Variants in DLL4 observed in about 807,000 individuals in gnomAD.
The protein encoded by DLL4 is delta like canonical Notch ligand 4, also known as delta-like protein 4.
Under a neutral mutation model 73.6 loss-of-function variants are expected in DLL4, and 7 were observed. The ratio of observed to expected loss-of-function variants is 0.10; its 90% CI spans 0.05 to 0.18. The LOEUF is 0.18. Ranked by LOEUF, DLL4 falls within the 10% of genes least tolerant of loss-of-function variation. The probability of loss-of-function intolerance (pLI) is 1.00; values close to 1 mark genes in which losing one functional copy is unlikely to be tolerated. For synonymous variants in DLL4, 345 were observed against 374.3 expected, an observed-to-expected ratio of 0.92 and a Z score of 0.90; for missense variants, 614 against 929.9, an observed-to-expected ratio of 0.66 and a Z score of 4.42.
Position 40,934,688 on chromosome 15 carries a change from A to C in DLL4, c.991A>C (p.Asn331His). Reference protein sequence around the residue: ...CELELSECDSNPCRNGGSCKD... With the variant: ...CELELSECDSHPCRNGGSCKD... ...GCTGGAGCTCAGCGAGTGTGACAGC[A>C]ACCCCTGTCGCAATGGAGGCAGCTG... Residue 331 changes from asparagine to histidine, a missense_variant, in exon 7 of 11, where the codon AAC (asparagine) becomes CAC (histidine). By Grantham distance (68) the Asn-to-His change is moderately conservative. Transcript: ENST00000249749. The C allele has an allele frequency of 6.2e-7, 1 of 1,613,854 alleles. No homozygotes were observed. The highest frequency in any genetic ancestry group is 8.5e-7 in the Non-Finnish European group (1 of 1,179,844).
rs187892030 is a variant in DLL4 at position 40,932,994 on chromosome 15, C to T, written c.850+547C>T. 2.9e-3 allele frequency among the ~76,000 whole-genome samples: 438 copies of T among 152,326 alleles called. 4 individuals carry two copies. The highest frequency in any genetic ancestry group is 0.016 in the South Asian group (75 of 4,830). On this transcript the variant is annotated intron_variant, in intron 6 of 10. Transcript: ENST00000249749. ...TAGTTACCACCTGCCTGAACCCATG[C>T]GGTCTCTACCTGGTGTTTAGGGGTA...
At chr15:40,935,555 T>C (rs1892830659) in intron 8 of DLL4, among the ~76,000 whole-genome samples, 1 of 152,320 alleles carries the variant, frequency 6.6e-6, no homozygotes, top group South Asian at 2.1e-4. Flanking sequence ...TGTTTGCACC[T>C]TTTGAGGCAC....
intron 10 of DLL4, 49 bp from the exon 11 acceptor site, chr15:40,937,980 G>A: frequency 6.3e-7 from 1 of 1,597,222 alleles, no homozygotes; most frequent in Non-Finnish European, 8.5e-7. Flanking sequence ...CCTGGAGGGA[G>A]TGCGCATGCC....
chr15:40,932,129 C>T (rs375413330), intron 4 of DLL4, 42 bp from the exon 5 acceptor site: 7 of 1,611,558 alleles, frequency 4.3e-6, no homozygotes, highest in Non-Finnish European at 5.1e-6. Flanking sequence ...CTTAAGAGTC[C>T]TTGGTATCCC....
chr15:40,931,410 CCAT>C lies in DLL4; in HGVS notation c.395-87_395-85del, dbSNP rs1892767875. On this transcript the variant is annotated intron_variant, in intron 3 of 10. Coordinates refer to ENST00000249749, the MANE Select transcript of DLL4 (RefSeq NM_019074.4). Reference sequence around the variant, plus strand: ...ACTGGGCTGATTGGTTGGCTGATCACCATCATCACAGCCAAGAAGGACATTGGC... The same window carrying C: ...ACTGGGCTGATTGGTTGGCTGATCACCATCACAGCCAAGAAGGACATTGGC... 4 of 1,414,406 alleles carry C rather than the reference CCAT, an allele frequency of 2.8e-6. No individual in the cohort carries two copies. The East Asian group carries it at 9.9e-5, about 35-fold the overall frequency. The allele number at this position is 1,414,406 out of a possible 1,614,324, so 87.6% of individuals were successfully genotyped here.
rs1892750758 is a variant in DLL4, at chr15:40,930,484, G to C, written c.337-141G>C. On this transcript the variant is annotated intron_variant, in intron 2 of 10. Coordinates refer to ENST00000249749, the MANE Select transcript of DLL4 (RefSeq NM_019074.4). This position sits in a 1 kb window ranked among gnomAD's most constrained non-coding sequence, Gnocchi z 5.7. ...GCCTTCCCTGCTCAAGCGCTACACTGTGCACAGCCCCGTTATGTTGACCCG... is the reference window on the plus strand; with the variant it reads ...GCCTTCCCTGCTCAAGCGCTACACTCTGCACAGCCCCGTTATGTTGACCCG... 2 of 754,324 alleles carry C rather than the reference G, an allele frequency of 2.7e-6. No individual in the cohort carries two copies. Among genetic ancestry groups the C allele is most frequent in the East Asian group, 5.3e-5 (2 of 37,406 alleles). 46.7% of individuals were successfully genotyped at this position (754,324 alleles called of 1,614,324 possible).
chr15:40,932,574 A>G (rs1030938046), intron 6 of DLL4, 127 bp downstream of exon 6: 8 of 1,280,302 alleles, frequency 6.2e-6, no homozygotes, highest in Non-Finnish European at 8.7e-6. Flanking sequence ...TGATCTTCCA[A>G]GGATCTTGGG....
rs370744960 is a variant in DLL4, at chr15:40,929,848, G to A, written c.68G>A (p.Arg23His). The A allele has an allele frequency of 8.8e-5, 141 of 1,610,786 alleles. 1 individual carries two copies. The Admixed American group carries it at 1.3e-3, about 14-fold the overall frequency. The change falls in exon 2 of 11, where the codon CGC becomes CAC. Residue 23 changes from arginine to histidine, a missense_variant and splice_region_variant. This residue lies in a region of DLL4 where 227 missense variants were observed against 370.8 expected (regional missense o/e 0.61). Coordinates refer to ENST00000249749, the MANE Select transcript of DLL4 (RefSeq NM_019074.4). The surrounding 1 kb of genome is among the most constrained non-coding windows in gnomAD (Gnocchi z 7.1). ...LLLLVALWQQ[R>H]AAGSGVFQLQ... is the part of the protein sequence containing the mutation. ...CTTCCCTCGGTCCCTGTGCAATAGCGCGCGGCCGGCTCCGGCGTCTTCCAG... is the reference window on the plus strand; with the variant it reads ...CTTCCCTCGGTCCCTGTGCAATAGCACGCGGCCGGCTCCGGCGTCTTCCAG...
Position 40,938,321 on chromosome 15 carries a change from G to T in DLL4, c.*287G>T. Reference sequence around the variant, plus strand: ...GCCCTGCCAGTAGTGGCCTTCAGGGGGCTCCTTCCGGGGCTCCGGCCTGTT... The same window carrying T: ...GCCCTGCCAGTAGTGGCCTTCAGGGTGCTCCTTCCGGGGCTCCGGCCTGTT... On this transcript the variant is annotated 3_prime_UTR_variant, in exon 11 of 11. Coordinates refer to ENST00000249749, the MANE Select transcript of DLL4 (RefSeq NM_019074.4). The T allele has an allele frequency of 3.0e-6, 1 of 334,886 alleles. No homozygotes were observed. Among genetic ancestry groups the T allele is most frequent in the Non-Finnish European group, 5.4e-6 (1 of 185,484 alleles). The allele number at this position is 334,886 out of a possible 1,614,324, so 20.7% of individuals were successfully genotyped here. A position where few individuals can be genotyped will look rare whatever the true frequency, so the allele number is the denominator to read the frequency against.
chr15:40,938,131 C>A lies in DLL4; in HGVS notation c.*97C>A. 2 of 1,326,652 alleles carry A rather than the reference C, an allele frequency of 1.5e-6. No homozygotes were observed. The highest frequency in any genetic ancestry group is 2.0e-6 in the Non-Finnish European group (2 of 998,034). 82.2% of individuals were successfully genotyped at this position (1,326,652 alleles called of 1,614,324 possible). A position where few individuals can be genotyped will look rare whatever the true frequency, so the allele number is the denominator to read the frequency against. ...TCCTGGATGGGACGTTTTTCATATGCAACGTGCTGCTCTCAGGAGGAGGAG... is the reference window on the plus strand; with the variant it reads ...TCCTGGATGGGACGTTTTTCATATGAAACGTGCTGCTCTCAGGAGGAGGAG... On this transcript the variant is annotated 3_prime_UTR_variant, in exon 11 of 11. Coordinates refer to ENST00000249749, the MANE Select transcript of DLL4 (RefSeq NM_019074.4).
chr15:40,936,900 TAGG>T lies in DLL4; in HGVS notation c.1916_1918del (p.Gly639del), dbSNP rs768557999. ...AAGTTTCCCCACAGTGACAAGAGCT[TAGG>T]AGAGAAGGCGCCACTGCGGTTACAC... On this transcript the variant is annotated inframe_deletion, in exon 9 of 11. Coordinates refer to ENST00000249749, the MANE Select transcript of DLL4 (RefSeq NM_019074.4). The T allele has an allele frequency of 5.0e-6, 8 of 1,609,778 alleles. No homozygotes were observed. Among genetic ancestry groups the T allele is most frequent in the Non-Finnish European group, 6.8e-6 (8 of 1,178,418 alleles).
In DLL4 at chr15:40,930,500, T is replaced by G. The variant is rs1265261904; in HGVS notation, c.337-125T>G. The G allele has an allele frequency of 8.6e-6, 7 of 818,496 alleles. No individual in the cohort carries two copies. Among genetic ancestry groups the G allele is most frequent in the Admixed American group, 2.1e-5 (1 of 48,526 alleles). 50.7% of individuals were successfully genotyped at this position (818,496 alleles called of 1,614,324 possible). ...CGCTACACTGTGCACAGCCCCGTTA[T>G]GTTGACCCGGGCGCAGTAACTGAAT... On this transcript the variant is annotated intron_variant, in intron 2 of 10. Coordinates refer to ENST00000249749, the MANE Select transcript of DLL4 (RefSeq NM_019074.4). This position sits in a 1 kb window ranked among gnomAD's most constrained non-coding sequence, Gnocchi z 5.7.
At chr15:40,931,232 C>CTCCAAGACCCTGGGATATCTTAACA in intron 3 of DLL4, 1 of 536,190 alleles carries the variant, frequency 1.9e-6, no homozygotes, top group East Asian at 3.0e-5. Context: ...CCCTATCTGC[C>CTCCAAGACCCTGGGATATCTTAACA]TCCAAGACCC....
At position 40,936,127 on chromosome 15, in the gene DLL4, G is replaced by A. The variant is rs1892840680; in HGVS notation, c.1241-101G>A. On this transcript the variant is annotated intron_variant, in intron 8 of 10. Transcript: ENST00000249749. ...CTCTTTGTAGTGGGCTCTGCAGGTG[G>A]AGGTAGAAGGGCCCGAACGTGTTCC... 1.1e-5 allele frequency: 11 copies of A among 988,292 alleles called. No individual in the cohort carries two copies. The South Asian group carries it at 1.9e-4, about 17-fold the overall frequency. 61.2% of individuals were successfully genotyped at this position (988,292 alleles called of 1,614,324 possible).
rs1892747432 is a variant in DLL4 at position 40,930,303 on chromosome 15, C to T, written c.336+187C>T. 3 of 769,808 alleles carry T rather than the reference C, an allele frequency of 3.9e-6. No individual in the cohort carries two copies. The highest frequency in any genetic ancestry group is 6.1e-6 in the Non-Finnish European group (3 of 489,056). The allele number at this position is 769,808 out of a possible 1,614,324, so 47.7% of individuals were successfully genotyped here. On this transcript the variant is annotated intron_variant, in intron 2 of 10. Transcript: ENST00000249749. This position sits in a 1 kb window ranked among gnomAD's most constrained non-coding sequence, Gnocchi z 5.7. ...TCCCAGAAAAGGCTCTCACCAGTCT[C>T]CGTCTTCCCAGTTTATGTCCTCCCG...
At chr15:40,931,822 G>C in intron 4 of DLL4, 56 bp downstream of exon 4, 1 of 1,597,090 alleles carries the variant, frequency 6.3e-7, no homozygotes, top group South Asian at 1.1e-5. Context: ...AGGAAACACA[G>C]TGGAGCTTCT....
intron 9 of DLL4, 64 bp from the exon 10 acceptor site, chr15:40,937,354 G>A (rs1892859461): frequency 1.7e-6 from 2 of 1,164,584 alleles, no homozygotes; most frequent in Admixed American, 1.7e-5. Flanking sequence ...GGCTCTCCAG[G>A]GTCCTCCCTC....
chr15:40,929,366 A>C lies in DLL4; in HGVS notation c.-303A>C. ...GTAGCGGCGCTGCGCGCAGGCCGGG[A>C]ACACGAGGCCAAGAGCCGCAGCCCC... is the stretch of plus-strand genomic sequence containing the variant. On this transcript the variant is annotated 5_prime_UTR_variant, in exon 1 of 11. Coordinates refer to ENST00000249749, the MANE Select transcript of DLL4 (RefSeq NM_019074.4). The surrounding 1 kb of genome is among the most constrained non-coding windows in gnomAD (Gnocchi z 7.1). 1 of 411,132 alleles carries C rather than the reference A, an allele frequency of 2.4e-6. No homozygotes were observed. The highest frequency in any genetic ancestry group is 7.4e-5 in the South Asian group (1 of 13,556). 25.5% of individuals were successfully genotyped at this position (411,132 alleles called of 1,614,324 possible). A position where few individuals can be genotyped will look rare whatever the true frequency, so the allele number is the denominator to read the frequency against.
intron 3 of DLL4, chr15:40,931,105 G>A (rs565897916): frequency 2.7e-6 from 1 of 373,726 alleles, no homozygotes; most frequent in Admixed American, 4.3e-5. Context: ...CACCTCTGGA[G>A]GCAGAACCCC....
Sources: allele counts gnomAD v4.1 joint callset (sites outside exome capture counted in the v4.1 genomes callset), GRCh38; gene constraint gnomAD v4.1.1; regional missense constraint gnomAD v4.1.1; non-coding constraint Gnocchi (gnomAD v3.1); transcripts MANE v1.5; gene names NCBI Gene and HGNC (gene_info 2026-07-23, HGNC 2026-07-21).